The following STXBP5L variants were observed in gnomAD, a reference collection of about 807,000 sequenced individuals.
The protein encoded by STXBP5L is syntaxin-binding protein 5-like.
STXBP5L carries 65 observed loss-of-function variants against 144.5 expected under a neutral mutation model. The observed-to-expected ratio is 0.45, with a 90% confidence interval of 0.37 to 0.55. STXBP5L has a LOEUF of 0.55. Ranked by LOEUF, STXBP5L falls within the 20% of genes least tolerant of loss-of-function variation. The pLI is 0.00. For missense variants in STXBP5L, 1,298 were observed against 1,405.5 expected, an observed-to-expected ratio of 0.92 and a Z score of 1.22; for synonymous variants, 505 against 469.6, an observed-to-expected ratio of 1.08 and a Z score of -0.97.
At chr3:121,002,462 G>A (rs2108051565) in intron 3 of STXBP5L, among the ~76,000 whole-genome samples, 1 of 152,076 alleles carries the variant, frequency 6.6e-6, no homozygotes, top group Admixed American at 6.5e-5. Flanking sequence ...TATATGGTTT[G>A]CAAATAAATA....
chr3:121,018,378 G>A (rs1485177122), intron 3 of STXBP5L, among the ~76,000 whole-genome samples: 1 of 151,954 alleles, frequency 6.6e-6, no homozygotes, highest in Non-Finnish European at 1.5e-5. Context: ...TAAATAAATA[G>A]ATCAATGATA....
chr3:121,035,926 G>C (rs920911050), intron 3 of STXBP5L, among the ~76,000 whole-genome samples: 2 of 152,014 alleles, frequency 1.3e-5, no homozygotes, highest in Non-Finnish European at 2.9e-5. Flanking sequence ...TCAGTGAACA[G>C]GTCTTAAAAC....
At chr3:121,220,637 G>A (rs1192652815) in intron 10 of STXBP5L, among the ~76,000 whole-genome samples, 1 of 152,018 alleles carries the variant, frequency 6.6e-6, no homozygotes. Flanking sequence ...TTCCTGAAAG[G>A]AGATATGGTT....
intron 3 of STXBP5L, among the ~76,000 whole-genome samples, chr3:120,995,332 G>A (rs752569924): frequency 5.9e-5 from 9 of 151,936 alleles, no homozygotes; most frequent in Non-Finnish European, 1.3e-4. Flanking sequence ...ATTTTTTGTA[G>A]ATGTAGGGTT....
chr3:120,912,485 G>A (rs35160772), intron 2 of STXBP5L, among the ~76,000 whole-genome samples: 143 of 151,758 alleles, frequency 9.4e-4, no homozygotes, highest in Non-Finnish European at 1.9e-3. Context: ...GTGTAATATC[G>A]CCCATAGGAA....
chr3:120,952,040 T>C (rs1711276170), intron 2 of STXBP5L, among the ~76,000 whole-genome samples: 1 of 150,392 alleles, frequency 6.6e-6, no homozygotes, highest in Non-Finnish European at 1.5e-5. Flanking sequence ...TCATTCTCAG[T>C]AAACTATCGC....
At chr3:121,052,086 T>C (rs910296593) in intron 5 of STXBP5L, among the ~76,000 whole-genome samples, 7 of 152,110 alleles carry the variant, frequency 4.6e-5, no homozygotes, top group Non-Finnish European at 8.8e-5. Context: ...GTGGCAATAA[T>C]CAATAGCTTA....
At chr3:121,272,802 G>T (rs1215400099) in intron 18 of STXBP5L, among the ~76,000 whole-genome samples, 1 of 151,808 alleles carries the variant, frequency 6.6e-6, no homozygotes, top group Non-Finnish European at 1.5e-5. Context: ...TTACAACTAC[G>T]ATGAGGCTTA....
chr3:121,359,321 A>C (rs1056565710), intron 20 of STXBP5L, among the ~76,000 whole-genome samples: 1 of 151,936 alleles, frequency 6.6e-6, no homozygotes, highest in Non-Finnish European at 1.5e-5. Flanking sequence ...TTTCATATAG[A>C]GTTGTTTTGA....
chr3:121,256,795 CTTTTA>C (rs2050220880), intron 16 of STXBP5L, among the ~76,000 whole-genome samples: 1 of 151,382 alleles, frequency 6.6e-6, no homozygotes, highest in Non-Finnish European at 1.5e-5. Flanking sequence ...TCAACTTCTC[CTTTTA>C]TTTTATCATA....
intron 2 of STXBP5L, among the ~76,000 whole-genome samples, chr3:120,913,675 C>G (rs1381597565): frequency 6.6e-6 from 1 of 151,970 alleles, no homozygotes; most frequent in Non-Finnish European, 1.5e-5. Flanking sequence ...AAATTCATAT[C>G]TACAACTTTC....
chr3:121,349,574 A>G (rs2045178376), intron 20 of STXBP5L, among the ~76,000 whole-genome samples: 1 of 151,956 alleles, frequency 6.6e-6, no homozygotes, highest in South Asian at 2.1e-4. Context: ...GTCTCTCATT[A>G]TTATTGTGTG....
chr3:120,955,229 T>A (rs892435888), intron 3 of STXBP5L, among the ~76,000 whole-genome samples, 192 bp downstream of exon 3: 1 of 152,090 alleles, frequency 6.6e-6, no homozygotes, highest in Admixed American at 6.6e-5. Flanking sequence ...TATTGATGTC[T>A]CTTCTTTAAC....
intron 11 of STXBP5L, among the ~76,000 whole-genome samples, chr3:121,230,497 G>A (rs139411444): frequency 0.015 from 2,154 of 146,790 alleles, 22 homozygotes; most frequent in Non-Finnish European, 0.022. Flanking sequence ...TAAAAGTAAT[G>A]ACCTTAAAGT....
intron 9 of STXBP5L, among the ~76,000 whole-genome samples, chr3:121,191,108 CAG>C (rs1406402783): frequency 6.6e-6 from 1 of 152,142 alleles, no homozygotes; most frequent in Non-Finnish European, 1.5e-5. Context: ...GGCGGCCAGG[CAG>C]AGACACTCCT....
chr3:121,315,730 G>T (rs907502436), intron 19 of STXBP5L, among the ~76,000 whole-genome samples: 2 of 152,120 alleles, frequency 1.3e-5, no homozygotes, highest in African/African-American at 4.8e-5. Flanking sequence ...GGCCAGGCGT[G>T]ATGGCTCATG....
chr3:121,309,132 AT>A (rs924772170), intron 19 of STXBP5L, among the ~76,000 whole-genome samples: 22 of 152,124 alleles, frequency 1.4e-4, no homozygotes, highest in South Asian at 6.2e-4. Context: ...CAAAAGGAAA[AT>A]GACAAGTGTA....
chr3:121,414,454 A>C (rs1430039585), intron 24 of STXBP5L, among the ~76,000 whole-genome samples: 1 of 152,202 alleles, frequency 6.6e-6, no homozygotes, highest in Non-Finnish European at 1.5e-5. Flanking sequence ...GTCTATGCCT[A>C]CTGCTACAAT....
chr3:120,918,924 T>C (rs1254364970), intron 2 of STXBP5L, among the ~76,000 whole-genome samples: 1 of 152,126 alleles, frequency 6.6e-6, no homozygotes, highest in African/African-American at 2.4e-5. Context: ...AGTGGGTGGG[T>C]TGTTCAGTGT....
Sources: allele counts gnomAD v4.1 joint callset (sites outside exome capture counted in the v4.1 genomes callset), GRCh38; gene constraint gnomAD v4.1.1; transcripts MANE v1.5; gene names NCBI Gene and HGNC (gene_info 2026-07-23, HGNC 2026-07-21).